NTRK3: variants seen among roughly 807,000 people sequenced by gnomAD.
NTRK3 encodes neurotrophic receptor tyrosine kinase 3.
In NTRK3, 24 loss-of-function variants were observed where a neutral mutation model predicts 91.7. The observed-to-expected ratio is 0.26, with a 90% confidence interval of 0.19 to 0.37. NTRK3 has a LOEUF of 0.37. NTRK3 is among the 10% of genes least tolerant of loss of function. The pLI is 1.00. For synonymous variants in NTRK3, 483 were observed against 404.0 expected (o/e 1.20, Z -2.34); for missense variants, 880 against 1,068.9 (o/e 0.82, Z 2.46).
intron 5 of NTRK3, among the ~76,000 whole-genome samples, chr15:88,161,352 G>A (rs2044438660): frequency 6.6e-6 from 1 of 152,194 alleles, no homozygotes; most frequent in African/African-American, 2.4e-5. Context: ...TGGATGCAGA[G>A]TCTGTGCCCT....
chr15:87,997,851 T>A (rs2075814870), intron 14 of NTRK3, among the ~76,000 whole-genome samples: 1 of 152,036 alleles, frequency 6.6e-6, no homozygotes, highest in African/African-American at 2.4e-5. Context: ...CGTGTGCAAA[T>A]AGCTGTAGAA....
rs200660583 is a variant in NTRK3 at position 88,032,661 on chromosome 15, G to A, written c.1585+196C>T. ...GATTCAGACCCACAGGACCCCCTTC[G>A]CAGAGGACTCTGGTCCCGGGGACTC... is the stretch of plus-strand genomic sequence containing the variant. On this transcript the variant is annotated intron_variant, in intron 14 of 18. Coordinates refer to ENST00000394480, the Ensembl canonical transcript of NTRK3. Among the ~76,000 whole-genome samples the A allele has an allele frequency of 2.7e-4, 41 of 152,178 alleles. 1 individual carries two copies. In the East Asian group the frequency reaches 5.6e-3, roughly 21 times the overall value.
intron 13 of NTRK3, among the ~76,000 whole-genome samples, chr15:88,116,800 A>G (rs990922143): frequency 6.6e-6 from 1 of 152,218 alleles, no homozygotes; most frequent in Non-Finnish European, 1.5e-5. Flanking sequence ...TTGTCTCTCT[A>G]CAGATATAGG....
intron 17 of NTRK3, among the ~76,000 whole-genome samples, chr15:87,923,087 C>T (rs2141854459): frequency 6.6e-6 from 1 of 152,318 alleles, no homozygotes; most frequent in East Asian, 1.9e-4. Context: ...ATGGCTTGGC[C>T]TATCTTTCCT....
At chr15:87,866,846 C>G in exon 19 of NTRK3, 1 of 205,348 alleles carries the variant, frequency 4.9e-6, no homozygotes, top group East Asian at 7.4e-5. Context: ...TGCTGCAAAT[C>G]TGTGTGTCAA....
At chr15:87,952,778 G>A (rs1028233928) in intron 14 of NTRK3, among the ~76,000 whole-genome samples, 7 of 152,126 alleles carry the variant, frequency 4.6e-5, no homozygotes, top group Non-Finnish European at 1.0e-4. Context: ...CCCCTTTCAA[G>A]GTATATGTTC....
At chr15:88,206,183 C>CAA (rs568257684) in intron 3 of NTRK3, among the ~76,000 whole-genome samples, 3 of 134,538 alleles carry the variant, frequency 2.2e-5, no homozygotes, top group South Asian at 4.7e-4. Flanking sequence ...ACTAAAAATA[C>CAA]AAAAAAAAAA....
At chr15:88,038,040 T>C (rs1419023321) in intron 13 of NTRK3, among the ~76,000 whole-genome samples, 2 of 152,222 alleles carry the variant, frequency 1.3e-5, no homozygotes, top group African/African-American at 4.8e-5. Context: ...GGGGAAAGAA[T>C]TTATGCAAAG....
intron 10 of NTRK3, among the ~76,000 whole-genome samples, chr15:88,130,885 A>G (rs538850183): frequency 1.6e-4 from 25 of 151,632 alleles, no homozygotes; most frequent in Admixed American, 4.0e-4. Context: ...ACTAGATAAT[A>G]GTGATGGACC....
chr15:88,228,968 G>T (rs1287337654), intron 3 of NTRK3, among the ~76,000 whole-genome samples: 2 of 152,116 alleles, frequency 1.3e-5, no homozygotes, highest in African/African-American at 4.8e-5. Flanking sequence ...TCCTTTGCTG[G>T]TGTGCTCACT....
chr15:88,123,322 T>G (rs1327265199), intron 13 of NTRK3, among the ~76,000 whole-genome samples: 4 of 152,130 alleles, frequency 2.6e-5, no homozygotes, highest in African/African-American at 9.7e-5. Context: ...TATCGTACAT[T>G]CTCACCCAGA....
At chr15:88,033,217 A>ATAT (rs2078753442) in intron 13 of NTRK3, among the ~76,000 whole-genome samples, 172 bp from the exon 14 acceptor site, 5 of 49,692 alleles carry the variant, frequency 1.0e-4, no homozygotes, top group South Asian at 6.0e-4. Flanking sequence ...TATATATATA[A>ATAT]ATTCAGTTGT....
chr15:87,976,136 G>A (rs57465161), intron 14 of NTRK3, among the ~76,000 whole-genome samples: 2,961 of 152,046 alleles, frequency 0.019, 93 homozygotes, highest in African/African-American at 0.067. Context: ...GTTCTCCCTC[G>A]AACCAGTGCA....
At chr15:88,029,159 G>A (rs184038227) in intron 14 of NTRK3, among the ~76,000 whole-genome samples, 5 of 152,290 alleles carry the variant, frequency 3.3e-5, no homozygotes, top group Admixed American at 3.3e-4. Context: ...AATGAGGGGG[G>A]CTTTATTAGG....
At chr15:88,222,882 C>T (rs941882240) in intron 3 of NTRK3, among the ~76,000 whole-genome samples, 2 of 152,154 alleles carry the variant, frequency 1.3e-5, no homozygotes, top group Non-Finnish European at 2.9e-5. Flanking sequence ...CTGAACATCC[C>T]GCAGTCAGGC....
Position 88,184,320 on chromosome 15 carries a change from T to C in NTRK3, c.249-21A>G. The C allele has an allele frequency of 3.1e-6, 5 of 1,612,674 alleles. 1 individual carries two copies. In the South Asian group the frequency reaches 4.4e-5, roughly 14 times the overall value. On this transcript the variant is annotated intron_variant, in intron 3 of 18. Coordinates refer to ENST00000394480, the Ensembl canonical transcript of NTRK3. ...TGTGTCTGCAGGGGAGGAGGAAAGG[T>C]AACGGTCAGCCAGAAGCAACAGAAA...
At chr15:87,995,274 A>G (rs1327051545) in intron 14 of NTRK3, among the ~76,000 whole-genome samples, 1 of 152,148 alleles carries the variant, frequency 6.6e-6, no homozygotes, top group Non-Finnish European at 1.5e-5. Flanking sequence ...TGCACAACCT[A>G]GGCTGAAACA....
At chr15:88,224,403 A>C (rs1413186205) in intron 3 of NTRK3, among the ~76,000 whole-genome samples, 1 of 152,218 alleles carries the variant, frequency 6.6e-6, no homozygotes, top group East Asian at 1.9e-4. Flanking sequence ...AGTCCCACAC[A>C]GTCTGCATTC....
At chr15:88,131,573 T>G (rs371439531) in intron 10 of NTRK3, among the ~76,000 whole-genome samples, 3 of 152,340 alleles carry the variant, frequency 2.0e-5, no homozygotes, top group East Asian at 3.9e-4. Context: ...ATGGAAGCTC[T>G]AGCCTGGGTT....
Sources: allele counts gnomAD v4.1 joint callset (sites outside exome capture counted in the v4.1 genomes callset), GRCh38; gene constraint gnomAD v4.1.1; transcripts MANE v1.5; gene names NCBI Gene and HGNC (gene_info 2026-07-23, HGNC 2026-07-21).